CPQ: variants seen among roughly 807,000 people sequenced by gnomAD.
The protein encoded by CPQ is Ser-Met dipeptidase.
CPQ carries 37 observed loss-of-function variants against 45.7 expected under a neutral mutation model. That is an observed-to-expected ratio of 0.81 (90% CI 0.62 to 1.07). The LOEUF (loss-of-function observed/expected upper bound fraction) is 1.07, where lower values mean the gene tolerates loss of function less well. Among genes scored for constraint, CPQ ranks in the 50% least tolerant of loss-of-function variants. The pLI is 0.00. For missense variants in CPQ, 537 were observed against 572.9 expected (o/e 0.94, Z 0.64); for synonymous variants, 186 against 205.8 (o/e 0.90, Z 0.82).
chr8:97,089,519 C>A (rs1811097951), intron 7 of CPQ, among the ~76,000 whole-genome samples: 1 of 152,068 alleles, frequency 6.6e-6, no homozygotes. Context: ...GTACAGGAAT[C>A]CCCCCATGGG....
chr8:96,891,468 C>T (rs1812375951), intron 4 of CPQ, among the ~76,000 whole-genome samples: 1 of 152,156 alleles, frequency 6.6e-6, no homozygotes. Context: ...GCCCATGTTG[C>T]TGAGCCCATG....
intron 5 of CPQ, among the ~76,000 whole-genome samples, chr8:96,980,875 A>G (rs767622181): frequency 6.6e-6 from 1 of 152,202 alleles, no homozygotes; most frequent in Non-Finnish European, 1.5e-5. Context: ...TGTGTCATAA[A>G]TGTTATGCAG....
intron 4 of CPQ, among the ~76,000 whole-genome samples, chr8:96,910,482 A>G (rs991457125): frequency 1.3e-5 from 2 of 152,162 alleles, no homozygotes; most frequent in Admixed American, 6.5e-5. Flanking sequence ...AACATGAAGT[A>G]GGTGAAATAG....
intron 4 of CPQ, among the ~76,000 whole-genome samples, chr8:96,926,794 A>G (rs905225521): frequency 1.3e-4 from 20 of 151,890 alleles, no homozygotes; most frequent in Non-Finnish European, 1.5e-5. Flanking sequence ...TGTCATCTAC[A>G]TTAGGTATTT....
chr8:97,052,818 T>C (rs907319582), intron 6 of CPQ, among the ~76,000 whole-genome samples: 1 of 152,186 alleles, frequency 6.6e-6, no homozygotes, highest in Admixed American at 6.5e-5. Flanking sequence ...GGCCACTTCT[T>C]AAAAAATCAC....
At chr8:96,729,773 A>C (rs1441316826) in intron 1 of CPQ, among the ~76,000 whole-genome samples, 7 of 152,178 alleles carry the variant, frequency 4.6e-5, no homozygotes, top group Admixed American at 4.6e-4. Flanking sequence ...CAAATTGCTC[A>C]ATTGTCCCCA....
At chr8:96,667,186 T>C (rs149332334) in intron 1 of CPQ, among the ~76,000 whole-genome samples, 1,797 of 152,256 alleles carry the variant, frequency 0.012, 47 homozygotes, top group African/African-American at 0.039. Flanking sequence ...AGACCTAGAT[T>C]CAAGTCACTT....
intron 3 of CPQ, among the ~76,000 whole-genome samples, chr8:96,862,462 TA>T (rs936777920): frequency 6.6e-5 from 10 of 151,726 alleles, no homozygotes; most frequent in African/African-American, 1.4e-4. Context: ...TTAGATAAAA[TA>T]AAAAAAATAA....
intron 1 of CPQ, among the ~76,000 whole-genome samples, chr8:96,662,010 C>T (rs114679100): frequency 0.011 from 1,669 of 152,232 alleles, 30 homozygotes; most frequent in African/African-American, 0.038. Flanking sequence ...ATCTTGTTTT[C>T]TTTTCCATTT....
chr8:96,889,866 G>C (rs1213869822), intron 4 of CPQ, among the ~76,000 whole-genome samples: 1 of 152,190 alleles, frequency 6.6e-6, no homozygotes, highest in Admixed American at 6.5e-5. Flanking sequence ...TGCCCACCCA[G>C]ATTGAGGGTG....
At chr8:96,988,482 T>A (rs1357567411) in intron 5 of CPQ, among the ~76,000 whole-genome samples, 1 of 152,236 alleles carries the variant, frequency 6.6e-6, no homozygotes, top group Non-Finnish European at 1.5e-5. Context: ...AATGTTTTTT[T>A]ATTTCTCTCT....
At chr8:97,097,736 G>A (rs911227642) in intron 7 of CPQ, among the ~76,000 whole-genome samples, 1 of 152,146 alleles carries the variant, frequency 6.6e-6, no homozygotes, top group South Asian at 2.1e-4. Context: ...CTACTGACCT[G>A]GCTGTGCCCT....
chr8:96,741,794 A>T (rs200923983), intron 1 of CPQ, among the ~76,000 whole-genome samples: 1 of 150,798 alleles, frequency 6.6e-6, no homozygotes, highest in East Asian at 1.9e-4. Flanking sequence ...TTTGAGTGAG[A>T]TTCTTAATCC....
At chr8:96,757,991 T>C (rs1810348959) in intron 1 of CPQ, among the ~76,000 whole-genome samples, 1 of 152,246 alleles carries the variant, frequency 6.6e-6, no homozygotes, top group South Asian at 2.1e-4. Context: ...TTTTTTCAAA[T>C]GTCTAACGGG....
In CPQ at chr8:96,834,958, G is replaced by A; in HGVS notation, c.434-15G>A. Reference sequence around the variant, plus strand: ...GGGAAACTGTAAGTTAATCTTGCATGACTTTTATTTCTAGGCATTACAGCA... The same window carrying A: ...GGGAAACTGTAAGTTAATCTTGCATAACTTTTATTTCTAGGCATTACAGCA... On this transcript the variant is annotated splice_polypyrimidine_tract_variant and intron_variant, in intron 2 of 7. Coordinates refer to ENST00000220763, the MANE Select transcript of CPQ (RefSeq NM_016134.4). 1.2e-6 allele frequency: 2 copies of A among 1,609,090 alleles called. No individual in the cohort carries two copies. Among genetic ancestry groups the A allele is most frequent in the Non-Finnish European group, 8.5e-7 (1 of 1,177,230 alleles).
chr8:96,851,362 A>G (rs1560354), intron 3 of CPQ, among the ~76,000 whole-genome samples: 4,409 of 152,282 alleles, frequency 0.029, 159 homozygotes, highest in Middle Eastern at 0.092. Context: ...TTGTGCTGCT[A>G]TAACAGAATA....
chr8:96,883,566 G>C (rs968138886), intron 4 of CPQ, among the ~76,000 whole-genome samples: 2 of 152,188 alleles, frequency 1.3e-5, no homozygotes, highest in East Asian at 3.8e-4. Flanking sequence ...GGACAGTAAA[G>C]TCAAGTCTGT....
intron 2 of CPQ, among the ~76,000 whole-genome samples, chr8:96,816,446 C>T (rs978250083): frequency 2.0e-5 from 3 of 152,156 alleles, no homozygotes; most frequent in South Asian, 2.1e-4. Context: ...TTGAACCCCT[C>T]AAAGTCATCC....
chr8:96,850,500 G>GA (rs1165649436), intron 3 of CPQ, among the ~76,000 whole-genome samples: 1 of 152,054 alleles, frequency 6.6e-6, no homozygotes, highest in African/African-American at 2.4e-5. Flanking sequence ...CAATCCTTTT[G>GA]AAAAGAGATT....
Sources: allele counts gnomAD v4.1 joint callset (sites outside exome capture counted in the v4.1 genomes callset), GRCh38; gene constraint gnomAD v4.1.1; transcripts MANE v1.5; gene names NCBI Gene and HGNC (gene_info 2026-07-23, HGNC 2026-07-21).